The following SCHIP1 variants were observed in gnomAD, a reference collection of about 807,000 sequenced individuals.
The protein encoded by SCHIP1 is schwannomin-interacting protein 1.
SCHIP1 carries 8 observed loss-of-function variants against 29.7 expected under a neutral mutation model. The ratio of observed to expected loss-of-function variants is 0.27; its 90% CI spans 0.16 to 0.49. The LOEUF (loss-of-function observed/expected upper bound fraction) is 0.49. Ranked by LOEUF, SCHIP1 falls within the 20% of genes least tolerant of loss-of-function variation. The pLI is 0.99. For synonymous variants in SCHIP1, 76 were observed against 94.9 expected, an observed-to-expected ratio of 0.80 and a Z score of 1.16; for missense variants, 193 against 294.6, an observed-to-expected ratio of 0.66 and a Z score of 2.52.
the SCHIP1 span, among the ~76,000 whole-genome samples, chr3:159,832,333 GTTC>G: frequency 1.3e-5 from 2 of 152,120 alleles, no homozygotes; most frequent in Admixed American, 1.3e-4. Context: ...TCCTGACCCA[GTTC>G]TTCTAGCACC....
the SCHIP1 span, among the ~76,000 whole-genome samples, chr3:159,420,582 G>T: frequency 3.3e-5 from 5 of 152,160 alleles, no homozygotes; most frequent in East Asian, 9.6e-4. Flanking sequence ...TTGAGAATAG[G>T]AGGGAAATTT....
the SCHIP1 span, among the ~76,000 whole-genome samples, chr3:159,350,407 G>T: frequency 6.6e-6 from 1 of 151,984 alleles, no homozygotes; most frequent in Non-Finnish European, 1.5e-5. Context: ...AGTAAAAAAG[G>T]GTTTGTGTTG....
upstream of SCHIP1, among the ~76,000 whole-genome samples, chr3:159,838,721 T>C (rs1320363659): frequency 6.8e-6 from 1 of 147,380 alleles, no homozygotes; most frequent in Non-Finnish European, 1.5e-5. Flanking sequence ...AAACCCCGTC[T>C]CTACCAAAAA....
At chr3:159,866,114 T>G in intron 1 of SCHIP1, 49 bp from the exon 3 acceptor site, 1 of 1,543,862 alleles carries the variant, frequency 6.5e-7, no homozygotes, top group Non-Finnish European at 8.9e-7. Flanking sequence ...CCTGTGGTTG[T>G]GCTATATCTG....
chr3:159,347,679 CAGG>C, the SCHIP1 span, among the ~76,000 whole-genome samples: 2 of 152,086 alleles, frequency 1.3e-5, no homozygotes, highest in Non-Finnish European at 2.9e-5. Context: ...GAAAATACTC[CAGG>C]TTTTTTGGAC....
At chr3:159,673,974 AC>A in the SCHIP1 span, among the ~76,000 whole-genome samples, 1 of 152,006 alleles carries the variant, frequency 6.6e-6, no homozygotes, top group Non-Finnish European at 1.5e-5. Context: ...CTACCCTGGT[AC>A]CCCCTGTTAT....
At chr3:159,497,114 G>A in the SCHIP1 span, among the ~76,000 whole-genome samples, 2 of 151,330 alleles carry the variant, frequency 1.3e-5, no homozygotes, top group Non-Finnish European at 3.0e-5. Context: ...GTGGGGTTGG[G>A]GGAGGGATAG....
chr3:159,292,973 T>C, the SCHIP1 span, among the ~76,000 whole-genome samples: 1 of 152,200 alleles, frequency 6.6e-6, no homozygotes, highest in East Asian at 1.9e-4. Context: ...GAGTTGATTG[T>C]CAATACGGGG....
At chr3:159,684,960 G>C in the SCHIP1 span, among the ~76,000 whole-genome samples, 117 of 152,112 alleles carry the variant, frequency 7.7e-4, no homozygotes, top group Admixed American at 1.5e-3. Context: ...GCTGGATCCT[G>C]CTTAACCTGC....
the SCHIP1 span, among the ~76,000 whole-genome samples, chr3:159,561,881 T>C: frequency 2.0e-5 from 3 of 152,154 alleles, no homozygotes; most frequent in Admixed American, 1.3e-4. Flanking sequence ...GAATAGCAGG[T>C]CCTTTCCCTT....
chr3:159,851,063 C>T (rs1315027601), intron 1 of SCHIP1, among the ~76,000 whole-genome samples: 2 of 152,174 alleles, frequency 1.3e-5, no homozygotes, highest in Non-Finnish European at 2.9e-5. Context: ...CACCTGAGCC[C>T]AGGAGCTCAA....
At chr3:159,769,256 G>A in the SCHIP1 span, among the ~76,000 whole-genome samples, 1 of 126,280 alleles carries the variant, frequency 7.9e-6, no homozygotes, top group African/African-American at 3.1e-5. Context: ...TGTTCAAAAG[G>A]CTCTGTGGAC....
chr3:159,717,730 A>C, the SCHIP1 span, among the ~76,000 whole-genome samples: 1 of 152,230 alleles, frequency 6.6e-6, no homozygotes, highest in Non-Finnish European at 1.5e-5. Context: ...AAATTGAGGC[A>C]ATAATTAAGA....
chr3:159,741,652 A>G, the SCHIP1 span, among the ~76,000 whole-genome samples: 1 of 152,246 alleles, frequency 6.6e-6, no homozygotes, highest in African/African-American at 2.4e-5. Flanking sequence ...TAGAATTGCT[A>G]AAGAACATAG....
chr3:159,805,774 TATAA>T, the SCHIP1 span, among the ~76,000 whole-genome samples: 1 of 151,850 alleles, frequency 6.6e-6, no homozygotes, highest in African/African-American at 2.4e-5. Context: ...GGCTTTCTCT[TATAA>T]ATATCAGCTC....
the SCHIP1 span, among the ~76,000 whole-genome samples, chr3:159,739,866 G>A: frequency 1.3e-5 from 2 of 152,258 alleles, no homozygotes; most frequent in South Asian, 2.1e-4. Flanking sequence ...GAACAACTGC[G>A]ACCAAGTCTA....
the SCHIP1 span, among the ~76,000 whole-genome samples, chr3:159,557,795 T>C: frequency 6.6e-6 from 1 of 152,146 alleles, no homozygotes; most frequent in Non-Finnish European, 1.5e-5. Context: ...AGAAGAAAAA[T>C]AAATCATAGC....
the SCHIP1 span, among the ~76,000 whole-genome samples, chr3:159,530,504 A>G: frequency 2.0e-5 from 3 of 152,118 alleles, no homozygotes; most frequent in East Asian, 1.9e-4. Context: ...CCTTACTTCT[A>G]TAATTTCTTC....
chr3:159,841,388 A>G (rs769837712), intron 1 of SCHIP1, among the ~76,000 whole-genome samples: 1 of 152,190 alleles, frequency 6.6e-6, no homozygotes, highest in Non-Finnish European at 1.5e-5. Flanking sequence ...CATGCTTCAC[A>G]GTAATTCTTT....
Sources: gnomAD v4.1 joint callset for allele counts (sites outside exome capture counted in the v4.1 genomes callset) on GRCh38, gnomAD v4.1.1 for gene constraint, MANE v1.5 for transcripts, NCBI Gene and HGNC (gene_info 2026-07-23, HGNC 2026-07-21) for gene names.